GREM2: variants seen among roughly 807,000 people sequenced by gnomAD.
The protein encoded by GREM2 is gremlin-2.
In GREM2, 11 loss-of-function variants were observed where a neutral mutation model predicts 14.2. The observed-to-expected ratio is 0.78, with a 90% CI of 0.49 to 1.28. The LOEUF is 1.28. GREM2 is among the 50% of genes most tolerant of loss of function. GREM2 has a pLI of 0.00. For synonymous variants in GREM2, 98 were observed against 97.6 expected, an observed-to-expected ratio of 1.00 and a Z score of -0.02; for missense variants, 210 against 218.5, an observed-to-expected ratio of 0.96 and a Z score of 0.24.
At chr1:240,536,963 C>T (rs1442221022) in intron 1 of GREM2, among the ~76,000 whole-genome samples, 6 of 152,096 alleles carry the variant, frequency 3.9e-5, no homozygotes, top group Admixed American at 2.0e-4. Context: ...AAATTCTGAC[C>T]AAAGTGAGAT....
intron 1 of GREM2, among the ~76,000 whole-genome samples, chr1:240,507,040 A>T (rs1480625500): frequency 6.6e-6 from 1 of 152,230 alleles, no homozygotes; most frequent in Non-Finnish European, 1.5e-5. Flanking sequence ...GGTATTCACC[A>T]TGATAGAGAA....
At chr1:240,534,533 C>CA (rs1314527406) in intron 1 of GREM2, among the ~76,000 whole-genome samples, 6 of 150,318 alleles carry the variant, frequency 4.0e-5, no homozygotes, top group South Asian at 2.1e-4. Context: ...ACTAAAAATA[C>CA]AAAAAAAAAT....
chr1:240,556,142 T>G (rs1678949637), intron 1 of GREM2, among the ~76,000 whole-genome samples: 1 of 152,194 alleles, frequency 6.6e-6, no homozygotes. Context: ...AGTAGCTTTA[T>G]AAAGAATATT....
chr1:240,532,744 T>C (rs182529998), intron 1 of GREM2, among the ~76,000 whole-genome samples: 1 of 152,122 alleles, frequency 6.6e-6, no homozygotes, highest in East Asian at 1.9e-4. Context: ...CACCATTTCA[T>C]AGAGAAGAAA....
intron 1 of GREM2, among the ~76,000 whole-genome samples, chr1:240,544,335 C>T (rs887713885): frequency 4.0e-5 from 6 of 151,780 alleles, no homozygotes; most frequent in East Asian, 3.9e-4. Context: ...TTTTAATAGA[C>T]GCGGGGTTTC....
rs183921038 is a variant in GREM2, at chr1:240,531,107, C to G, written c.-1-37631G>C. Among the ~76,000 whole-genome samples the G allele has an allele frequency of 2.0e-5, 3 of 152,268 alleles. No individual in the cohort carries two copies. In the East Asian group the frequency reaches 5.8e-4, roughly 29 times the overall value. ...TAATTGAACTTATTGCCAAAATACT[C>G]ATGGAATTAGAAAACTCCCTTAACC... is the stretch of plus-strand genomic sequence containing the variant. On this transcript the variant is annotated intron_variant, in intron 1 of 1. Coordinates refer to ENST00000318160, the MANE Select transcript of GREM2 (RefSeq NM_022469.4).
chr1:240,572,723 A>G (rs140746520), intron 1 of GREM2, among the ~76,000 whole-genome samples: 2 of 152,294 alleles, frequency 1.3e-5, no homozygotes, highest in East Asian at 3.9e-4. Context: ...CAGTTCAAAA[A>G]TTGTGATGGA....
chr1:240,514,246 T>G (rs11809993), intron 1 of GREM2, among the ~76,000 whole-genome samples: 1 of 39,006 alleles, frequency 2.6e-5, no homozygotes, highest in Non-Finnish European at 4.2e-5. Context: ...AGATTCCATC[T>G]CAAAAAAAAA....
At chr1:240,601,192 G>C (rs976506166) in intron 1 of GREM2, among the ~76,000 whole-genome samples, 6 of 152,220 alleles carry the variant, frequency 3.9e-5, no homozygotes, top group Non-Finnish European at 8.8e-5. Flanking sequence ...TTTTATGCCT[G>C]TATGAAAAGC....
At chr1:240,607,462 A>G (rs1424909317) in intron 1 of GREM2, among the ~76,000 whole-genome samples, 1 of 152,172 alleles carries the variant, frequency 6.6e-6, no homozygotes, top group Non-Finnish European at 1.5e-5. Flanking sequence ...CATAGAAATG[A>G]CATTGTAAGT....
rs199521935 is a variant in GREM2 at position 240,563,133 on chromosome 1, GTA to G, written c.-2+48749_-2+48750del. Among the ~76,000 whole-genome samples, 431 of 146,232 alleles carry G rather than the reference GTA, an allele frequency of 2.9e-3. 1 individual carries two copies. The highest frequency in any genetic ancestry group is 0.014 in the Middle Eastern group (4 of 294). The stretch of plus-strand genomic sequence containing the variant: ...TGTGTGTATATGTGAGTGTGTATGT[GTA>G]TGTGTGTGTGTGAGTGTGTATGTGT... On this transcript the variant is annotated intron_variant, in intron 1 of 1. Transcript: ENST00000318160.
At chr1:240,609,152 C>G (rs940084053) in intron 1 of GREM2, among the ~76,000 whole-genome samples, 3 of 152,104 alleles carry the variant, frequency 2.0e-5, no homozygotes, top group Admixed American at 2.0e-4. Flanking sequence ...TATACTGAAG[C>G]ATGTCAATCT....
chr1:240,495,313 G>A (rs918085360), intron 1 of GREM2, among the ~76,000 whole-genome samples: 15 of 151,930 alleles, frequency 9.9e-5, no homozygotes, highest in Non-Finnish European at 1.8e-4. Context: ...CTTTTAACAT[G>A]TATACCCTAA....
chr1:240,548,584 A>G (rs1678783888), intron 1 of GREM2, among the ~76,000 whole-genome samples: 1 of 152,244 alleles, frequency 6.6e-6, no homozygotes, highest in Non-Finnish European at 1.5e-5. Context: ...CTAAAAATAT[A>G]TGAGTCCAGT....
chr1:240,597,291 G>A (rs1571950339), intron 1 of GREM2, among the ~76,000 whole-genome samples: 1 of 152,358 alleles, frequency 6.6e-6, no homozygotes, highest in Middle Eastern at 3.4e-3. Flanking sequence ...AATCAGCGGG[G>A]TATTTAGATG....
intron 1 of GREM2, among the ~76,000 whole-genome samples, chr1:240,562,089 C>T (rs1036487338): frequency 4.6e-5 from 7 of 152,098 alleles, no homozygotes; most frequent in African/African-American, 1.4e-4. Context: ...AAATACCATG[C>T]TTCTTCTGGC....
At chr1:240,512,042 A>T (rs1333754869) in intron 1 of GREM2, among the ~76,000 whole-genome samples, 1 of 152,234 alleles carries the variant, frequency 6.6e-6, no homozygotes, top group Non-Finnish European at 1.5e-5. Flanking sequence ...ATCTCTCTGT[A>T]CACTTGTCAA....
chr1:240,584,615 A>C (rs1434104242), intron 1 of GREM2, among the ~76,000 whole-genome samples: 1 of 151,872 alleles, frequency 6.6e-6, no homozygotes, highest in African/African-American at 2.4e-5. Flanking sequence ...GAGGCTGGAG[A>C]AGGAGGATTG....
At chr1:240,550,559 G>T (rs1195140762) in intron 1 of GREM2, among the ~76,000 whole-genome samples, 5 of 152,180 alleles carry the variant, frequency 3.3e-5, no homozygotes, top group African/African-American at 1.2e-4. Flanking sequence ...GGTACTTGGG[G>T]AGTAGTGGGG....
Sources: allele counts gnomAD v4.1 joint callset (sites outside exome capture counted in the v4.1 genomes callset), GRCh38; gene constraint gnomAD v4.1.1; transcripts MANE v1.5; gene names NCBI Gene and HGNC (gene_info 2026-07-23, HGNC 2026-07-21).